NCAPD3: variants seen among roughly 807,000 people sequenced by gnomAD.
NCAPD3 encodes non-SMC condensin II complex subunit D3, also known as condensin-2 complex subunit D3.
NCAPD3 carries 105 observed loss-of-function variants against 182.9 expected under a neutral mutation model. The ratio of observed to expected loss-of-function variants is 0.57; its 90% confidence interval spans 0.49 to 0.68. NCAPD3 has a LOEUF of 0.68. Ranked by LOEUF, NCAPD3 falls within the 30% of genes least tolerant of loss-of-function variation. The pLI is 0.00. For missense variants in NCAPD3, 1,944 were observed against 1,837.0 expected (o/e 1.06, Z -1.07); for synonymous variants, 815 against 679.9 (o/e 1.20, Z -3.09).
intron 27 of NCAPD3, among the ~76,000 whole-genome samples, chr11:134,165,145 ACT>A (rs1338264591): frequency 6.7e-6 from 1 of 148,610 alleles, no homozygotes; most frequent in Non-Finnish European, 1.5e-5. Flanking sequence ...GGAGCAGCAC[ACT>A]CACTTGTGAG....
chr11:134,176,202 A>C (rs1944159616), intron 24 of NCAPD3, 105 bp downstream of exon 24: 1 of 1,000,014 alleles, frequency 1.0e-6, no homozygotes, highest in Non-Finnish European at 1.5e-6. Context: ...CCGAAAGCTC[A>C]CTAAATCCTA....
At position 134,220,563 on chromosome 11, in the gene NCAPD3, T is replaced by C; in HGVS notation, c.219+9A>G. On this transcript the variant is annotated intron_variant, in intron 2 of 34. Transcript: ENST00000534548. ...CCAAACTTTGGCTAGTTTGTTTTTA[T>C]ATTTTTACCTCCATAGATCCATGTT... is the stretch of plus-strand genomic sequence containing the variant. The C allele has an allele frequency of 6.2e-7, 1 of 1,602,912 alleles. No individual in the cohort carries two copies. The highest frequency in any genetic ancestry group is 8.5e-7 in the Non-Finnish European group (1 of 1,173,070).
At chr11:134,153,542 C>T in intron 32 of NCAPD3, 179 bp from the exon 33 acceptor site, 2 of 653,068 alleles carry the variant, frequency 3.1e-6, no homozygotes, top group South Asian at 1.8e-5. Context: ...TGGGGATGCT[C>T]CTTTCCGTCT....
Position 134,223,885 on chromosome 11 carries a change from C to G in NCAPD3, c.42G>C (p.Trp14Cys). ...LRGLGSGLQP[W>C]CPLDLRLEWV... ...CACCGAGTCTAAGATCCAGCGGACA[C>G]CAGGGCTGCAGGCCGCTACCAAGGC... The change falls in exon 1 of 35, where the codon TGG (tryptophan) becomes TGC (cysteine). Residue 14 changes from tryptophan to cysteine, a missense_variant. Around this residue, in one of 3 missense-constraint regions of NCAPD3, gnomAD observed 131 missense variants for 133.9 expected, o/e 0.98. Coordinates refer to ENST00000534548, the MANE Select transcript of NCAPD3 (RefSeq NM_015261.3). The G allele has an allele frequency of 6.2e-7, 1 of 1,612,762 alleles. No individual in the cohort carries two copies. The highest frequency in any genetic ancestry group is 8.5e-7 in the Non-Finnish European group (1 of 1,179,824).
rs140268144 is a variant in NCAPD3, at chr11:134,193,652, C to G, written c.1824+364G>C. Reference sequence around the variant, plus strand: ...CCTGTAGTCCCAGCTACACAGGAGGCTGAGGCAGGAGAGTTGCTTGAACCT... The same window carrying G: ...CCTGTAGTCCCAGCTACACAGGAGGGTGAGGCAGGAGAGTTGCTTGAACCT... On this transcript the variant is annotated intron_variant, in intron 15 of 34. Transcript: ENST00000534548. Among the ~76,000 whole-genome samples, 11 of 152,340 alleles carry G rather than the reference C, an allele frequency of 7.2e-5. 1 individual carries two copies. In the East Asian group the frequency reaches 2.1e-3, roughly 29 times the overall value.
chr11:134,223,586 AG>A (rs763439910), intron 1 of NCAPD3: 3 of 676,586 alleles, frequency 4.4e-6, no homozygotes, highest in Non-Finnish European at 8.2e-6. Flanking sequence ...AGACACGCAC[AG>A]GAAGAAGGGG....
intron 16 of NCAPD3, among the ~76,000 whole-genome samples, chr11:134,191,261 TA>T (rs1944517408): frequency 6.6e-6 from 1 of 152,208 alleles, no homozygotes; most frequent in Non-Finnish European, 1.5e-5. Flanking sequence ...GACAAAATTT[TA>T]AGCAACACTG....
At chr11:134,209,018 A>G (rs1334362358) in intron 6 of NCAPD3, 67 bp from the exon 7 acceptor site, 12 of 1,465,246 alleles carry the variant, frequency 8.2e-6, no homozygotes, top group African/African-American at 1.4e-5. Flanking sequence ...TTAGTCCTAC[A>G]AGCCATGTTT....
At chr11:134,205,037 C>T in intron 8 of NCAPD3, 66 bp from the exon 9 acceptor site, 1 of 1,209,072 alleles carries the variant, frequency 8.3e-7, no homozygotes, top group Non-Finnish European at 1.2e-6. Flanking sequence ...AAAACCACTA[C>T]TCCTATATTT....
At chr11:134,205,537 G>A (rs911529363) in intron 8 of NCAPD3, among the ~76,000 whole-genome samples, 1 of 151,836 alleles carries the variant, frequency 6.6e-6, no homozygotes, top group African/African-American at 2.4e-5. Flanking sequence ...CCGCCACCAC[G>A]CCTAGTTTCT....
At chr11:134,183,211 C>T (rs1032779914) in intron 19 of NCAPD3, 1 of 454,966 alleles carries the variant, frequency 2.2e-6, no homozygotes. Context: ...CCAGCTCTGC[C>T]GGTAGTAAGT....
Position 134,194,678 on chromosome 11 carries a change from T to C in NCAPD3, c.1676A>G (p.Lys559Arg). ...RIRDEKTNVR[K>R]SALQVLVSIL... ...GAAAACTCCCACCTGCAGTGCAGACTTCCTAACGTTGGTCTTCTCATCCCT... is the reference window on the plus strand; with the variant it reads ...GAAAACTCCCACCTGCAGTGCAGACCTCCTAACGTTGGTCTTCTCATCCCT... Residue 559 changes from lysine to arginine, a missense_variant, in exon 14 of 35, where the codon AAG (lysine) becomes AGG (arginine). This residue lies in a region of NCAPD3 where 1,803 missense variants were observed against 1,674.6 expected (regional missense o/e 1.08). Coordinates refer to ENST00000534548, the MANE Select transcript of NCAPD3 (RefSeq NM_015261.3). The C allele has an allele frequency of 6.2e-7, 1 of 1,604,850 alleles. No homozygotes were observed. Among genetic ancestry groups the C allele is most frequent in the Non-Finnish European group, 8.5e-7 (1 of 1,175,758 alleles).
At chr11:134,167,974 C>T (rs140076182) in intron 27 of NCAPD3, 22 bp downstream of exon 27, 1 of 1,610,394 alleles carries the variant, frequency 6.2e-7, no homozygotes, top group East Asian at 2.2e-5. Flanking sequence ...AGAAGATGAT[C>T]TTAGGGGAGC....
In NCAPD3 at chr11:134,203,811, C is replaced by T. The variant is rs764027455; in HGVS notation, c.1311G>A (p.Lys437=). ...GCACCAGGAACTTATGCTTTAAGAACTTCTGATGCTCCAAGGAGAGGGTGT... is the reference window on the plus strand; with the variant it reads ...GCACCAGGAACTTATGCTTTAAGAATTTCTGATGCTCCAAGGAGAGGGTGT... ...VDNTLSLEHQ[K]FLKHKFLVQE... The change falls in exon 11 of 35, where the codon AAG becomes AAA. Residue 437 remains lysine, a synonymous_variant. Coordinates refer to ENST00000534548, the MANE Select transcript of NCAPD3 (RefSeq NM_015261.3). 1.9e-6 allele frequency: 3 copies of T among 1,614,172 alleles called. No homozygotes were observed. In the South Asian group the frequency reaches 3.3e-5, roughly 18 times the overall value.
intron 16 of NCAPD3, among the ~76,000 whole-genome samples, chr11:134,190,614 G>C (rs1044823847): frequency 6.6e-6 from 1 of 152,146 alleles, no homozygotes; most frequent in Non-Finnish European, 1.5e-5. Flanking sequence ...AGCCTCCCAA[G>C]TAGCTGGGAC....
chr11:134,184,947 T>C lies in NCAPD3; in HGVS notation c.2291A>G (p.His764Arg), dbSNP rs1196428907. The C allele has an allele frequency of 3.1e-6, 5 of 1,613,850 alleles. No homozygotes were observed. Among genetic ancestry groups the C allele is most frequent in the Admixed American group, 3.3e-5 (2 of 59,970 alleles). Residue 764 changes from histidine (H) to arginine (R), a missense_variant, in exon 18 of 35, where the codon CAT (histidine) becomes CGT (arginine). His to Arg is a conservative substitution (Grantham distance 29). This residue lies in a region of NCAPD3 where 1,803 missense variants were observed against 1,674.6 expected (regional missense o/e 1.08). Transcript: ENST00000534548. ...GCTCTTAGGAAGATGCTTTGCAATA[T>C]GCCCAATCACACAGAGAATATGTCC... The part of the protein sequence containing the change: ...TLGHILCVIG[H>R]IAKHLPKSTR...
chr11:134,187,030 G>A (rs573019876), intron 16 of NCAPD3, among the ~76,000 whole-genome samples: 1 of 152,254 alleles, frequency 6.6e-6, no homozygotes, highest in South Asian at 2.1e-4. Context: ...AAAATCCTCT[G>A]AACTTGCAGA....
At chr11:134,156,782 G>C (rs1943431482) in intron 32 of NCAPD3, 1 of 384,322 alleles carries the variant, frequency 2.6e-6, no homozygotes, top group South Asian at 5.6e-5. Flanking sequence ...CTGCTCCGCG[G>C]GCCACTGTGG....
At chr11:134,167,668 T>C (rs1943887460) in intron 27 of NCAPD3, among the ~76,000 whole-genome samples, 1 of 129,538 alleles carries the variant, frequency 7.7e-6, no homozygotes, top group Admixed American at 7.8e-5. Context: ...GCACACTCAC[T>C]TGTGAGATGA....
Sources: gnomAD v4.1 joint callset for allele counts (sites outside exome capture counted in the v4.1 genomes callset) on GRCh38, gnomAD v4.1.1 for gene constraint, gnomAD v4.1.1 regional missense constraint, MANE v1.5 for transcripts, NCBI Gene and HGNC (gene_info 2026-07-23, HGNC 2026-07-21) for gene names.